Variants in GABRB3 observed in about 807,000 individuals in gnomAD.
GABRB3 encodes the protein gamma-aminobutyric acid receptor subunit beta-3.
Under a neutral mutation model 52.1 loss-of-function variants are expected in GABRB3, and 14 were observed. The ratio of observed to expected loss-of-function variants is 0.27; its 90% CI spans 0.18 to 0.42. The LOEUF (loss-of-function observed/expected upper bound fraction) is 0.42, where lower values mean the gene tolerates loss of function less well. Ranked by LOEUF, GABRB3 falls within the 10% of genes least tolerant of loss-of-function variation. GABRB3 has a pLI of 1.00. For synonymous variants in GABRB3, 260 were observed against 232.3 expected, an observed-to-expected ratio of 1.12 and a Z score of -1.08; for missense variants, 307 against 609.1, an observed-to-expected ratio of 0.50 and a Z score of 5.22.
intron 3 of GABRB3, among the ~76,000 whole-genome samples, chr15:26,670,270 G>C (rs113420832): frequency 6.6e-6 from 1 of 152,198 alleles, no homozygotes; most frequent in Non-Finnish European, 1.5e-5. Context: ...GGAGGGGCGG[G>C]AGAGGTAAGG....
chr15:26,713,047 T>C (rs1021053593), intron 3 of GABRB3, among the ~76,000 whole-genome samples: 4 of 151,938 alleles, frequency 2.6e-5, no homozygotes, highest in African/African-American at 9.7e-5. Flanking sequence ...CAGGTAGGGG[T>C]AGAAGAAAGG....
chr15:26,686,697 C>A (rs1436868463), intron 3 of GABRB3, among the ~76,000 whole-genome samples: 2 of 152,188 alleles, frequency 1.3e-5, no homozygotes, highest in Admixed American at 1.3e-4. Flanking sequence ...GACAGTGTCC[C>A]AGGGAAGTGC....
At chr15:26,699,568 C>G (rs751274187) in intron 3 of GABRB3, among the ~76,000 whole-genome samples, 1 of 151,186 alleles carries the variant, frequency 6.6e-6, no homozygotes, top group African/African-American at 2.4e-5. Flanking sequence ...AGTCTATTCT[C>G]GATACTCAAA....
intron 6 of GABRB3, among the ~76,000 whole-genome samples, chr15:26,580,012 A>G (rs1010503634): frequency 3.3e-5 from 5 of 152,188 alleles, no homozygotes; most frequent in Admixed American, 1.3e-4. Context: ...AAGGTCATCA[A>G]TGACCTGTTG....
At chr15:26,759,442 G>A (rs865933111) in intron 3 of GABRB3, among the ~76,000 whole-genome samples, 1 of 152,022 alleles carries the variant, frequency 6.6e-6, no homozygotes, top group South Asian at 2.1e-4. Context: ...TGTATTTTTA[G>A]TAGAGACGGG....
At chr15:26,631,057 T>G (rs536550714) in intron 3 of GABRB3, among the ~76,000 whole-genome samples, 1 of 152,344 alleles carries the variant, frequency 6.6e-6, no homozygotes, top group South Asian at 2.1e-4. Context: ...ACAGTGCCGC[T>G]GGGAGGCAAG....
In GABRB3 at chr15:26,633,795, T is replaced by G. The variant is rs1038129373; in HGVS notation, c.241-12261A>C. Among the ~76,000 whole-genome samples the G allele has an allele frequency of 4.6e-5, 7 of 152,318 alleles. No individual in the cohort carries two copies. The East Asian group carries it at 1.4e-3, about 29-fold the overall frequency. ...ATCCTTCTAACTTTTTTGCCTACTT[T>G]ATTTCTGTAAAATTGTTTTAACTAG... On this transcript the variant is annotated intron_variant, in intron 3 of 8. Transcript: ENST00000311550.
At chr15:26,761,743 A>T (rs1890827933) in intron 3 of GABRB3, among the ~76,000 whole-genome samples, 1 of 152,166 alleles carries the variant, frequency 6.6e-6, no homozygotes, top group Non-Finnish European at 1.5e-5. Context: ...CAGTAGCTTC[A>T]GGGAGCCGTA....
chr15:26,552,376 A>G (rs1366325869), intron 8 of GABRB3, among the ~76,000 whole-genome samples: 1 of 152,204 alleles, frequency 6.6e-6, no homozygotes, highest in African/African-American at 2.4e-5. Flanking sequence ...TTTAAATGAC[A>G]AAGTGTGTCT....
chr15:26,764,415 T>G (rs950606424), intron 3 of GABRB3, among the ~76,000 whole-genome samples: 1 of 152,076 alleles, frequency 6.6e-6, no homozygotes, highest in East Asian at 1.9e-4. Flanking sequence ...CTTATTCATG[T>G]GAAATGTTAG....
intron 6 of GABRB3, among the ~76,000 whole-genome samples, chr15:26,575,694 T>C (rs1433638242): frequency 6.6e-6 from 1 of 152,146 alleles, no homozygotes; most frequent in South Asian, 2.1e-4. Context: ...GTCATGATCA[T>C]TAATAAGAAA....
Position 26,580,383 on chromosome 15 carries a change from A to G in GABRB3, c.618T>C (p.Ile206=), listed in dbSNP as rs2140730487. Reference sequence around the variant, plus strand: ...CCACGATGGAGAACTGCGGGAGCTCAATCCTTTCCACTCCGGTAACAGCCT... The same window carrying G: ...CCACGATGGAGAACTGCGGGAGCTCGATCCTTTCCACTCCGGTAACAGCCT... ...GDKAVTGVER[I]ELPQFSIVEH... is the part of the protein sequence containing the mutation. Residue 206 remains isoleucine, a synonymous_variant, in exon 6 of 9, where the codon ATT becomes ATC. Transcript: ENST00000311550. 1 of 1,614,204 alleles carries G rather than the reference A, an allele frequency of 6.2e-7. No individual in the cohort carries two copies. The highest frequency in any genetic ancestry group is 1.1e-5 in the South Asian group (1 of 91,082).
At chr15:26,765,147 T>TAAAAAAA (rs1890962473) in intron 3 of GABRB3, among the ~76,000 whole-genome samples, 2 of 62,834 alleles carry the variant, frequency 3.2e-5, no homozygotes. Flanking sequence ...AAAAAAAAAG[T>TAAAAAAA]CAAAACTTCC....
chr15:26,554,396 T>C (rs542482648), intron 8 of GABRB3, among the ~76,000 whole-genome samples: 1 of 151,138 alleles, frequency 6.6e-6, no homozygotes, highest in Non-Finnish European at 1.5e-5. Flanking sequence ...TATCAAAATC[T>C]AGTAGACCAG....
In GABRB3 at chr15:26,567,565, T is replaced by G; in HGVS notation, c.835+16A>C. The G allele has an allele frequency of 6.2e-7, 1 of 1,612,196 alleles. No homozygotes were observed. ...GGTTACTTTACATTTAAATATCACT[T>G]AAAAATAGCACATACCGAGGGCAAC... On this transcript the variant is annotated intron_variant, in intron 7 of 8. Transcript: ENST00000311550.
At chr15:26,748,250 C>T (rs1890404370) in intron 3 of GABRB3, among the ~76,000 whole-genome samples, 1 of 151,924 alleles carries the variant, frequency 6.6e-6, no homozygotes. Flanking sequence ...GGGAATGGTT[C>T]CCTCCTCTTC....
intron 3 of GABRB3, among the ~76,000 whole-genome samples, chr15:26,759,450 G>A (rs993605405): frequency 1.3e-5 from 2 of 152,084 alleles, no homozygotes; most frequent in South Asian, 2.1e-4. Context: ...TAGTAGAGAC[G>A]GGGTTTCACC....
intron 3 of GABRB3, among the ~76,000 whole-genome samples, chr15:26,713,475 G>A (rs553185218): frequency 5.3e-5 from 8 of 152,058 alleles, no homozygotes; most frequent in African/African-American, 9.7e-5. Flanking sequence ...TGTGGGCCCC[G>A]AAACACAATG....
chr15:26,599,728 G>C (rs1891519681), intron 4 of GABRB3, among the ~76,000 whole-genome samples: 1 of 152,088 alleles, frequency 6.6e-6, no homozygotes, highest in African/African-American at 2.4e-5. Context: ...CTGCCAAACA[G>C]AAAAACAAAC....
Sources: allele counts gnomAD v4.1 joint callset (sites outside exome capture counted in the v4.1 genomes callset), GRCh38; gene constraint gnomAD v4.1.1; transcripts MANE v1.5; gene names NCBI Gene and HGNC (gene_info 2026-07-23, HGNC 2026-07-21).